The following TYW1 variants were observed in gnomAD, a reference collection of about 807,000 sequenced individuals.
TYW1 encodes tRNA-yW synthesizing protein 1 homolog.
TYW1 carries 46 observed loss-of-function variants against 96.2 expected under a neutral mutation model. The ratio of observed to expected loss-of-function variants is 0.48; its 90% CI spans 0.38 to 0.61. TYW1 has a LOEUF of 0.61. TYW1 is among the 20% of genes least tolerant of loss of function. The probability of loss-of-function intolerance (pLI) is 0.00; values close to 1 mark genes in which losing one functional copy is unlikely to be tolerated. For missense variants in TYW1, 684 were observed against 909.6 expected (o/e 0.75, Z 3.19); for synonymous variants, 274 against 323.0 (o/e 0.85, Z 1.63).
intron 12 of TYW1, among the ~76,000 whole-genome samples, chr7:67,112,090 CTCTG>C (rs1458379448): frequency 9.8e-6 from 1 of 101,770 alleles, no homozygotes; most frequent in Non-Finnish European, 1.8e-5. Flanking sequence ...CAGAGCGAGA[CTCTG>C]TCTGACAAAA....
At chr7:67,200,678 C>T (rs3107880) in intron 15 of TYW1, among the ~76,000 whole-genome samples, 4 of 152,012 alleles carry the variant, frequency 2.6e-5, no homozygotes, top group Admixed American at 6.6e-5. Context: ...TAACAGAAAA[C>T]GACAAATATC....
chr7:67,147,330 A>G (rs946205013), intron 13 of TYW1, among the ~76,000 whole-genome samples: 1 of 152,192 alleles, frequency 6.6e-6, no homozygotes, highest in African/African-American at 2.4e-5. Context: ...AAGAAACTGG[A>G]GCATCCATGG....
At chr7:67,222,079 C>CT (rs1440185656) in intron 15 of TYW1, among the ~76,000 whole-genome samples, 1 of 151,972 alleles carries the variant, frequency 6.6e-6, no homozygotes, top group Admixed American at 6.6e-5. Context: ...CGCCTGTAAT[C>CT]CCAGATACTC....
At chr7:67,094,965 G>T (rs534793195) in intron 11 of TYW1, among the ~76,000 whole-genome samples, 6 of 151,546 alleles carry the variant, frequency 4.0e-5, no homozygotes, top group South Asian at 2.1e-4. Flanking sequence ...GATTGCTGGT[G>T]GGGGGGTACT....
At chr7:67,066,732 C>T (rs1246858004) in intron 9 of TYW1, among the ~76,000 whole-genome samples, 1 of 152,168 alleles carries the variant, frequency 6.6e-6, no homozygotes, top group Non-Finnish European at 1.5e-5. Context: ...CCCATAGTCC[C>T]AGCTACTTGA....
intron 12 of TYW1, among the ~76,000 whole-genome samples, chr7:67,107,518 C>T (rs984476053): frequency 6.6e-6 from 1 of 152,126 alleles, no homozygotes; most frequent in African/African-American, 2.4e-5. Context: ...ACTGGATCTC[C>T]TGGTGTCTTT....
intron 7 of TYW1, among the ~76,000 whole-genome samples, chr7:67,027,592 T>G (rs888865238): frequency 6.6e-6 from 1 of 152,126 alleles, no homozygotes; most frequent in African/African-American, 2.4e-5. Flanking sequence ...CTCTTATATC[T>G]CAGACAAGGT....
Position 66,997,777 on chromosome 7 carries a change from C to T in TYW1, c.5-288C>T, listed in dbSNP as rs535148312. ...CCGAGTAGCTGGGATTACAGGTGCG[C>T]GCCACCACGCCCGGCTAATTTTTGT... On this transcript the variant is annotated intron_variant, in intron 1 of 15. Coordinates refer to ENST00000359626, the MANE Select transcript of TYW1 (RefSeq NM_018264.4). Among the ~76,000 whole-genome samples the T allele has an allele frequency of 7.9e-5, 12 of 152,024 alleles. No individual in the cohort carries two copies. In the South Asian group the frequency reaches 2.3e-3, roughly 29 times the overall value.
At chr7:67,232,099 C>T (rs1584725246) in intron 15 of TYW1, among the ~76,000 whole-genome samples, 1 of 150,842 alleles carries the variant, frequency 6.6e-6, no homozygotes, top group Non-Finnish European at 1.5e-5. Flanking sequence ...GGCGTGGTGG[C>T]GTGTGCCTGT....
At chr7:67,220,006 T>G (rs188126836) in intron 15 of TYW1, among the ~76,000 whole-genome samples, 17 of 150,872 alleles carry the variant, frequency 1.1e-4, no homozygotes, top group Non-Finnish European at 1.5e-5. Flanking sequence ...TCAGTGTTTA[T>G]AGCTATAAGT....
At chr7:67,202,501 G>A (rs190707854) in intron 15 of TYW1, among the ~76,000 whole-genome samples, 1 of 152,198 alleles carries the variant, frequency 6.6e-6, no homozygotes, top group African/African-American at 2.4e-5. Flanking sequence ...GGCTCCAGCA[G>A]TCCTCCTGCT....
intron 13 of TYW1, among the ~76,000 whole-genome samples, chr7:67,130,130 C>G (rs1230718810): frequency 3.3e-5 from 5 of 152,050 alleles, no homozygotes; most frequent in African/African-American, 4.8e-5. Flanking sequence ...CCTCTAATCC[C>G]AGCACTTTGG....
intron 14 of TYW1, among the ~76,000 whole-genome samples, chr7:67,191,556 G>GGGTGAA (rs1563064063): frequency 6.9e-6 from 1 of 144,330 alleles, no homozygotes; most frequent in African/African-American, 2.7e-5. Context: ...TTGGGGGTGA[G>GGGTGAA]GGTGAGGGTG....
At chr7:67,184,618 TTTTA>T (rs1799943222) in intron 14 of TYW1, among the ~76,000 whole-genome samples, 2 of 89,162 alleles carry the variant, frequency 2.2e-5, no homozygotes, top group Non-Finnish European at 4.3e-5. Flanking sequence ...TTTTATTTTA[TTTTA>T]TTTTATTTTA....
chr7:67,144,363 A>G (rs1184074554), intron 13 of TYW1, among the ~76,000 whole-genome samples: 2 of 152,222 alleles, frequency 1.3e-5, no homozygotes, highest in Non-Finnish European at 2.9e-5. Flanking sequence ...TTTGATTCAT[A>G]TATCATCAGA....
chr7:67,167,761 TATTG>T lies in TYW1; in HGVS notation c.1699-15355_1699-15352del, dbSNP rs929004592. 8.2e-4 allele frequency among the ~76,000 whole-genome samples: 125 copies of T among 152,120 alleles called. 1 individual carries two copies. Among genetic ancestry groups the T allele is most frequent in the African/African-American group, 2.9e-3 (121 of 41,512 alleles). On this transcript the variant is annotated intron_variant, in intron 13 of 15. Transcript: ENST00000359626. ...TTATTTGTTTTTATTTATTTATATT[TATTG>T]ATTGATTGAGACAGAGTCTCACTCT...
chr7:67,199,780 A>G (rs12536715), intron 15 of TYW1, among the ~76,000 whole-genome samples: 1 of 152,230 alleles, frequency 6.6e-6, no homozygotes, highest in Non-Finnish European at 1.5e-5. Flanking sequence ...TAAATCCCTC[A>G]TATCCTTATT....
At chr7:66,998,372 T>G (rs1192765784) in intron 2 of TYW1, among the ~76,000 whole-genome samples, 177 bp downstream of exon 2, 2 of 152,230 alleles carry the variant, frequency 1.3e-5, no homozygotes, top group East Asian at 3.8e-4. Context: ...TGGATTAAGT[T>G]CTTTACTTTT....
intron 7 of TYW1, among the ~76,000 whole-genome samples, chr7:67,040,834 AC>A (rs1794994868): frequency 6.6e-6 from 1 of 151,370 alleles, no homozygotes; most frequent in Non-Finnish European, 1.5e-5. Flanking sequence ...ACAGAGTGAG[AC>A]CCTATCTCAA....
Sources: allele counts gnomAD v4.1 joint callset (sites outside exome capture counted in the v4.1 genomes callset), GRCh38; gene constraint gnomAD v4.1.1; transcripts MANE v1.5; gene names NCBI Gene and HGNC (gene_info 2026-07-23, HGNC 2026-07-21).